The following NBDY variants were observed in gnomAD, a reference collection of about 807,000 sequenced individuals.
NBDY encodes negative regulator of P-body association, also known as P-body dissociating protein.
At chrX:56,787,942 T>G (rs1411482699) in intron 2 of NBDY, among the ~76,000 whole-genome samples, 1 of 112,884 alleles carries the variant, frequency 8.9e-6, no homozygotes, top group Non-Finnish European at 1.9e-5. Context: ...GGCAAATCCT[T>G]GTATAAGACA....
At chrX:56,737,566 CT>C (rs1331174494) in intron 2 of NBDY, 3 of 736,238 alleles carry the variant, frequency 4.1e-6, no homozygotes, top group Non-Finnish European at 4.1e-6. Flanking sequence ...AAATGGCCTG[CT>C]TGCCAGCCAT....
chrX:56,739,791 G>C (rs2069522919), intron 2 of NBDY, among the ~76,000 whole-genome samples: 1 of 110,822 alleles, frequency 9.0e-6, no homozygotes, highest in Non-Finnish European at 1.9e-5. Flanking sequence ...GATTTTGCTG[G>C]GGATACTTTG....
At chrX:56,763,107 C>T (rs1225067912) in intron 2 of NBDY, among the ~76,000 whole-genome samples, 3 of 112,814 alleles carry the variant, frequency 2.7e-5, no homozygotes, top group Non-Finnish European at 5.6e-5. Context: ...GGGCAACTCT[C>T]GCCTTCTCCT....
intron 2 of NBDY, among the ~76,000 whole-genome samples, chrX:56,788,578 G>A (rs891299876): frequency 1.2e-4 from 13 of 112,120 alleles, no homozygotes; most frequent in South Asian, 3.7e-4. Flanking sequence ...AGGAACTGCC[G>A]GGCATGAGTC....
At chrX:56,754,458 T>C (rs902857349) in intron 2 of NBDY, among the ~76,000 whole-genome samples, 3 of 111,735 alleles carry the variant, frequency 2.7e-5, no homozygotes, top group Non-Finnish European at 3.8e-5. Context: ...TTCTCCAGGA[T>C]AGGCCATATA....
chrX:56,807,878 AT>A (rs1443902763), intron 2 of NBDY, among the ~76,000 whole-genome samples: 1 of 112,157 alleles, frequency 8.9e-6, no homozygotes, highest in South Asian at 3.7e-4. Flanking sequence ...GAGAGAGGGC[AT>A]TCTTGTCTTG....
chrX:56,755,168 A>G (rs998992514), intron 2 of NBDY, among the ~76,000 whole-genome samples: 12 of 112,238 alleles, frequency 1.1e-4, no homozygotes, highest in Non-Finnish European at 2.3e-4. Flanking sequence ...TAAATGTTAG[A>G]CCTAAAACCA....
chrX:56,818,601 T>C lies in NBDY; in HGVS notation c.*1448T>C, dbSNP rs145681321. 8.9e-6 allele frequency: 1 copy of C among 112,028 alleles called. No homozygotes were observed. The highest frequency in any genetic ancestry group is 3.2e-5 in the African/African-American group (1 of 30,896). The allele number at this position is 112,028 out of a possible 1,213,427, so 9.2% of individuals were successfully genotyped here. ...ATCAGAAGGCACAGTATTATAAAGA[T>C]GACAACACTCTTCAAAATAATCAAA... On this transcript the variant is annotated 3_prime_UTR_variant, in exon 3 of 3. Coordinates refer to ENST00000374922, the MANE Select transcript of NBDY (RefSeq NM_001348129.2).
chrX:56,750,932 T>G (rs1024272630), intron 2 of NBDY, among the ~76,000 whole-genome samples: 1 of 111,645 alleles, frequency 9.0e-6, no homozygotes, highest in Admixed American at 9.5e-5. Flanking sequence ...GCCTCTAAAA[T>G]AAATATCTGA....
chrX:56,812,919 G>A (rs1180879004), intron 2 of NBDY, among the ~76,000 whole-genome samples: 2 of 111,070 alleles, frequency 1.8e-5, no homozygotes, highest in Non-Finnish European at 3.8e-5. Flanking sequence ...ACCAGGCCTG[G>A]AAGGAGGCTT....
intron 2 of NBDY, among the ~76,000 whole-genome samples, chrX:56,737,809 A>G (rs999928132): frequency 1.8e-5 from 2 of 111,866 alleles, no homozygotes; most frequent in Non-Finnish European, 3.8e-5. Context: ...GAATATTACA[A>G]AGAACTCCCA....
intron 2 of NBDY, among the ~76,000 whole-genome samples, chrX:56,801,392 C>G (rs759688196): frequency 1.3e-3 from 138 of 109,840 alleles, no homozygotes; most frequent in Non-Finnish European, 2.4e-3. Flanking sequence ...TCTTTCTTCT[C>G]TTTTTCCTTT....
intron 2 of NBDY, among the ~76,000 whole-genome samples, chrX:56,792,710 A>G (rs1602664164): frequency 9.0e-6 from 1 of 111,294 alleles, no homozygotes; most frequent in Admixed American, 9.5e-5. Context: ...ACTGCCCACA[A>G]TCTCTTCCAC....
intron 2 of NBDY, among the ~76,000 whole-genome samples, chrX:56,762,317 TTTC>T (rs1181221236): frequency 9.1e-6 from 1 of 109,984 alleles, no homozygotes; most frequent in South Asian, 4.0e-4. Flanking sequence ...CCTCCTCCTT[TTTC>T]TTCTTCTTTT....
intron 2 of NBDY, among the ~76,000 whole-genome samples, chrX:56,745,158 C>A (rs985094849): frequency 5.4e-5 from 6 of 111,262 alleles, no homozygotes; most frequent in African/African-American, 2.0e-4. Flanking sequence ...GACTGATGGG[C>A]GGGTAAGGAA....
In NBDY at chrX:56,736,783, G is replaced by C. The variant is rs192450567; in HGVS notation, c.*166+4584G>C. On this transcript the variant is annotated intron_variant, in intron 2 of 2. Transcript: ENST00000374922. ...GCACAGGAGTATATATATTACTTAA[G>C]TATACCTATGTTGGAGTGCATACAG... Among the ~76,000 whole-genome samples the C allele has an allele frequency of 1.7e-4, 19 of 111,960 alleles. No individual in the cohort carries two copies. In the East Asian group the frequency reaches 4.8e-3, roughly 28 times the overall value.
chrX:56,785,002 T>C (rs1036070199), intron 2 of NBDY, among the ~76,000 whole-genome samples: 1 of 111,780 alleles, frequency 8.9e-6, no homozygotes, highest in African/African-American at 3.3e-5. Context: ...TTCCTGGATG[T>C]GTAGGCCGCA....
chrX:56,795,725 G>T (rs140374519), intron 2 of NBDY, among the ~76,000 whole-genome samples: 124 of 112,200 alleles, frequency 1.1e-3, no homozygotes, highest in Admixed American at 8.2e-3. Context: ...CATGGAACAG[G>T]CTTCACCCGA....
intron 2 of NBDY, among the ~76,000 whole-genome samples, chrX:56,798,641 C>G (rs769093902): frequency 8.9e-6 from 1 of 112,162 alleles, no homozygotes; most frequent in Non-Finnish European, 1.9e-5. Flanking sequence ...GAACGGCAGC[C>G]CTTTAATCCC....
Sources: gnomAD v4.1 joint callset for allele counts (sites outside exome capture counted in the v4.1 genomes callset) on GRCh38, gnomAD v4.1.1 for gene constraint, MANE v1.5 for transcripts, NCBI Gene and HGNC (gene_info 2026-07-23, HGNC 2026-07-21) for gene names.